MARVELD3: variants seen among roughly 807,000 people sequenced by gnomAD.
The protein encoded by MARVELD3 is MARVEL domain containing 3.
Under a neutral mutation model 33.5 loss-of-function variants are expected in MARVELD3, and 28 were observed. The ratio of observed to expected loss-of-function variants is 0.84; its 90% CI spans 0.62 to 1.15. MARVELD3 has a LOEUF of 1.15. Ranked by LOEUF, MARVELD3 falls within the 50% of genes most tolerant of loss-of-function variation. The pLI is 0.00. For synonymous variants in MARVELD3, 241 were observed against 230.4 expected, an observed-to-expected ratio of 1.05 and a Z score of -0.42; for missense variants, 582 against 547.6, an observed-to-expected ratio of 1.06 and a Z score of -0.63.
At chr16:71,630,163 G>C (rs1484057965) in intron 2 of MARVELD3, among the ~76,000 whole-genome samples, 1 of 152,008 alleles carries the variant, frequency 6.6e-6, no homozygotes, top group Non-Finnish European at 1.5e-5. Context: ...AAGGTGGGTG[G>C]ATCACTTGAG....
downstream of MARVELD3, chr16:71,639,057 G>GT (rs2044599495): frequency 1.5e-5 from 2 of 129,680 alleles, no homozygotes; most frequent in Admixed American, 8.3e-5. Flanking sequence ...TTTCAGACTG[G>GT]TTCTTTTTTT....
At position 71,629,449 on chromosome 16, in the gene MARVELD3, G is replaced by T; in HGVS notation, c.550G>T (p.Gly184Ter). ...GGAATATTACCAGTCAGAGGCGGAA[G>T]GACTCCTGGAATGCCACAAATGCAA... ...EVEYYQSEAE[G>*]LLECHKCKYL... Residue 184 changes from glycine (G) to a stop codon, truncating the protein, a stop_gained, in exon 2 of 3, where the codon GGA becomes TGA. Coordinates refer to ENST00000268485, the MANE Select transcript of MARVELD3 (RefSeq NM_052858.6). LOFTEE classifies it high-confidence loss of function. 6.3e-7 allele frequency: 1 copy of T among 1,579,902 alleles called. No homozygotes were observed. The highest frequency in any genetic ancestry group is 1.9e-5 in the Admixed American group (1 of 53,030).
At chr16:71,629,693 T>G (rs886574100) in intron 2 of MARVELD3, 199 bp downstream of exon 2, 1 of 549,492 alleles carries the variant, frequency 1.8e-6, no homozygotes, top group South Asian at 3.6e-5. Flanking sequence ...GCTGCTAGAT[T>G]TCCTGTGCTT....
chr16:71,634,788 A>C lies in MARVELD3; in HGVS notation c.1191A>C (p.Glu397Asp). 1 of 1,598,700 alleles carries C rather than the reference A, an allele frequency of 6.3e-7. No homozygotes were observed. The highest frequency in any genetic ancestry group is 8.5e-7 in the Non-Finnish European group (1 of 1,173,966). ...GGAAGCTAAAAGAGAAGCCAGCAGA[A>C]ATGTTTGAATTTTAAGGGTTTCTAA... is the stretch of plus-strand genomic sequence containing the variant. ...KVRKLKEKPA[E>D]MFEF is the part of the protein sequence containing the mutation. The change falls in exon 3 of 3, where the codon GAA becomes GAC. Residue 397 changes from glutamate (E) to aspartate (D), a missense_variant. By Grantham distance (45) the Glu-to-Asp change is conservative. Coordinates refer to ENST00000268485, the MANE Select transcript of MARVELD3 (RefSeq NM_052858.6).
downstream of MARVELD3, chr16:71,638,978 A>G (rs918133012): frequency 2.7e-5 from 4 of 150,694 alleles, no homozygotes; most frequent in Admixed American, 6.6e-5. Context: ...TTGATCACCA[A>G]TCTGGGCTTC....
In MARVELD3 at chr16:71,629,372, C is replaced by A. The variant is rs2044505192; in HGVS notation, c.473C>A (p.Pro158His). 6.5e-7 allele frequency: 1 copy of A among 1,544,364 alleles called. No individual in the cohort carries two copies. The highest frequency in any genetic ancestry group is 2.6e-5 in the East Asian group (1 of 39,104). Residue 158 changes from proline (P) to histidine (H), a missense_variant, in exon 2 of 3, where the codon CCC becomes CAC. Transcript: ENST00000268485. ...DPGRRRPESEPPSERYLPSTP... is the reference protein window; with the variant it reads ...DPGRRRPESEHPSERYLPSTP... ...TGTATGCTTTTTGGTTATAGTGAAC[C>A]CCCTTCGGAGAGATATCTGCCCTCG...
At position 71,626,627 on chromosome 16, in the gene MARVELD3, C is replaced by G; in HGVS notation, c.398C>G (p.Ala133Gly). The G allele has an allele frequency of 1.3e-6, 2 of 1,538,206 alleles. No individual in the cohort carries two copies. The highest frequency in any genetic ancestry group is 1.7e-6 in the Non-Finnish European group (2 of 1,145,020). ...TWDAAAPPGPAPWEAPEPPQP... is the reference protein window; with the variant it reads ...TWDAAAPPGPGPWEAPEPPQP... ...GACGCAGCCGCGCCTCCTGGGCCCG[C>G]GCCCTGGGAAGCCCCGGAGCCGCCG... Residue 133 changes from alanine (A) to glycine (G), a missense_variant, in exon 1 of 3, where the codon GCG (alanine) becomes GGG (glycine). Physicochemically the swap from Ala to Gly is moderately conservative, Grantham distance 60 (BLOSUM62 0). Transcript: ENST00000268485. The surrounding 1 kb of genome is among the most constrained non-coding windows in gnomAD (Gnocchi z 5.3).
chr16:71,637,659 C>G (rs113789288), downstream of MARVELD3, among the ~76,000 whole-genome samples: 3 of 152,134 alleles, frequency 2.0e-5, no homozygotes, highest in Non-Finnish European at 4.4e-5. Context: ...TAGCTGTTGC[C>G]TAAGTACTTT....
At chr16:71,637,488 C>T (rs1323819436), downstream of MARVELD3, among the ~76,000 whole-genome samples, 1 of 152,176 alleles carries the variant, frequency 6.6e-6, no homozygotes, top group Non-Finnish European at 1.5e-5. Context: ...CAGCAGCTTA[C>T]TGTGCCGGAG....
In MARVELD3 at chr16:71,635,038, A is replaced by C; in HGVS notation, c.*235A>C. The C allele has an allele frequency of 8.3e-7, 1 of 1,212,006 alleles. No homozygotes were observed. Among genetic ancestry groups the C allele is most frequent in the Non-Finnish European group, 1.0e-6 (1 of 969,770 alleles). 75.1% of individuals were successfully genotyped at this position (1,212,006 alleles called of 1,614,324 possible). On this transcript the variant is annotated 3_prime_UTR_variant, in exon 3 of 3. Transcript: ENST00000268485. ...CAATCAAAATTATTTTTCAAAAAGCAAAAAAATGGCCGGCCTCGGCGGCTC... is the reference window on the plus strand; with the variant it reads ...CAATCAAAATTATTTTTCAAAAAGCCAAAAAATGGCCGGCCTCGGCGGCTC...
chr16:71,632,132 C>T (rs1468357098), intron 2 of MARVELD3, among the ~76,000 whole-genome samples: 1 of 152,190 alleles, frequency 6.6e-6, no homozygotes, highest in Non-Finnish European at 1.5e-5. Context: ...TCTTTCCTTT[C>T]ATACAACACA....
chr16:71,635,822 C>G lies in MARVELD3; in HGVS notation c.*1019C>G. 1.0e-6 allele frequency: 1 copy of G among 985,316 alleles called. No homozygotes were observed. The highest frequency in any genetic ancestry group is 1.2e-6 in the Non-Finnish European group (1 of 829,934). The allele number at this position is 985,316 out of a possible 1,614,324, so 61.0% of individuals were successfully genotyped here. On this transcript the variant is annotated 3_prime_UTR_variant, in exon 3 of 3. Transcript: ENST00000268485. ...CTGTAAAATTGAAGTTGGAGGTAGG[C>G]GTGGGCTGAGGAAAGAGGAATCAGA...
intron 1 of MARVELD3, 95 bp from the exon 2 acceptor site, chr16:71,629,272 A>G: frequency 7.6e-7 from 1 of 1,314,720 alleles, no homozygotes. Flanking sequence ...CTGTTCTGCT[A>G]ATATTTGGGC....
downstream of MARVELD3, among the ~76,000 whole-genome samples, chr16:71,640,083 A>C (rs140260754): frequency 6.3e-3 from 956 of 152,134 alleles, 13 homozygotes; most frequent in African/African-American, 0.02. Context: ...AGCCTGGCCA[A>C]CATGGTGAAA....
At chr16:71,639,740 C>T (rs2044604362), downstream of MARVELD3, among the ~76,000 whole-genome samples, 1 of 152,062 alleles carries the variant, frequency 6.6e-6, no homozygotes, top group Non-Finnish European at 1.5e-5. Context: ...AGCCACTGCA[C>T]CCAGCCTAGG....
At position 71,635,979 on chromosome 16, in the gene MARVELD3, A is replaced by G. The variant is rs2145283903; in HGVS notation, c.*1176A>G. 1 of 985,452 alleles carries G rather than the reference A, an allele frequency of 1.0e-6. No homozygotes were observed. Among genetic ancestry groups the G allele is most frequent in the Admixed American group, 6.1e-5 (1 of 16,280 alleles). 61.0% of individuals were successfully genotyped at this position (985,452 alleles called of 1,614,324 possible). A position where few individuals can be genotyped will look rare whatever the true frequency, so the allele number is the denominator to read the frequency against. On this transcript the variant is annotated 3_prime_UTR_variant, in exon 3 of 3. Transcript: ENST00000268485. ...TTAAACCCAACATCTAGAATTCAGGATTCATCCAGAATAAAAGGATGTAAA... is the reference window on the plus strand; with the variant it reads ...TTAAACCCAACATCTAGAATTCAGGGTTCATCCAGAATAAAAGGATGTAAA...
chr16:71,632,052 C>G (rs187322575), intron 2 of MARVELD3, among the ~76,000 whole-genome samples: 20 of 152,288 alleles, frequency 1.3e-4, no homozygotes, highest in Admixed American at 3.3e-4. Flanking sequence ...AAACCACACA[C>G]ACAAAAGGAC....
At chr16:71,633,053 C>A (rs1161596910) in intron 2 of MARVELD3, among the ~76,000 whole-genome samples, 2 of 152,046 alleles carry the variant, frequency 1.3e-5, no homozygotes, top group Non-Finnish European at 2.9e-5. Flanking sequence ...ATTGTATTCA[C>A]CACAGAACAT....
rs527362917 is a variant in MARVELD3, at chr16:71,626,281, G to T, written c.52G>T (p.Asp18Tyr). The T allele has an allele frequency of 6.5e-7, 1 of 1,541,184 alleles. No individual in the cohort carries two copies. Among genetic ancestry groups the T allele is most frequent in the South Asian group, 1.2e-5 (1 of 83,514 alleles). ...GCCCCGGGCCCGGCCGAGAGAGCGG[G>T]ACCCGGGACGGCGCCCCCACCCAGA... ...REPRARPRERDPGRRPHPDQG... is the reference protein window; with the variant it reads ...REPRARPRERYPGRRPHPDQG... The change falls in exon 1 of 3, where the codon GAC (aspartate) becomes TAC (tyrosine). Residue 18 changes from aspartate (D) to tyrosine (Y), a missense_variant. Coordinates refer to ENST00000268485, the MANE Select transcript of MARVELD3 (RefSeq NM_052858.6). This position sits in a 1 kb window ranked among gnomAD's most constrained non-coding sequence, Gnocchi z 5.3.
Sources: allele counts gnomAD v4.1 joint callset (sites outside exome capture counted in the v4.1 genomes callset), GRCh38; gene constraint gnomAD v4.1.1; non-coding constraint Gnocchi (gnomAD v3.1); transcripts MANE v1.5; gene names NCBI Gene and HGNC (gene_info 2026-07-23, HGNC 2026-07-21).